The following GDPD4 variants were observed in gnomAD, a reference collection of about 807,000 sequenced individuals.
GDPD4 encodes the protein glycerophosphodiester phosphodiesterase 6.
In GDPD4, 60 loss-of-function variants were observed where a neutral mutation model predicts 67.8. That is an observed-to-expected ratio of 0.88 (90% CI 0.72 to 1.10). GDPD4 has a LOEUF of 1.10. Among genes scored for constraint, GDPD4 ranks in the 50% least tolerant of loss-of-function variants. GDPD4 has a pLI of 0.00. For missense variants in GDPD4, 623 were observed against 613.9 expected, an observed-to-expected ratio of 1.01 and a Z score of -0.16; for synonymous variants, 212 against 210.9, an observed-to-expected ratio of 1.00 and a Z score of -0.04.
At chr11:77,286,628 C>A (rs932325257) in intron 2 of GDPD4, among the ~76,000 whole-genome samples, 8 of 152,224 alleles carry the variant, frequency 5.3e-5, no homozygotes, top group Non-Finnish European at 1.2e-4. Context: ...CTTCTGTTCT[C>A]ATTTCAGTGT....
At chr11:77,291,078 T>C (rs1335913112) in intron 1 of GDPD4, among the ~76,000 whole-genome samples, 4 of 152,232 alleles carry the variant, frequency 2.6e-5, no homozygotes, top group East Asian at 1.9e-4. Context: ...CCTATGTTTA[T>C]TGCAGGACTA....
intron 16 of GDPD4, among the ~76,000 whole-genome samples, chr11:77,221,177 T>TA (rs1160117829): frequency 2.0e-5 from 3 of 152,190 alleles, no homozygotes; most frequent in Non-Finnish European, 4.4e-5. Flanking sequence ...TTTTATCTTT[T>TA]CAAAAAACCA....
chr11:77,273,160 A>G (rs1445836863), intron 5 of GDPD4, among the ~76,000 whole-genome samples: 1 of 152,198 alleles, frequency 6.6e-6, no homozygotes, highest in Non-Finnish European at 1.5e-5. Flanking sequence ...CATGTTTACA[A>G]GGAGTTTGGG....
At chr11:77,254,738 C>A (rs1958972158) in intron 11 of GDPD4, among the ~76,000 whole-genome samples, 1 of 152,154 alleles carries the variant, frequency 6.6e-6, no homozygotes, top group African/African-American at 2.4e-5. Flanking sequence ...CTTCCAGTAT[C>A]AACTCCCAGA....
chr11:77,235,039 A>ATTTTTTTTTTTTTTTTTTTTTTTTTTTT (rs1958533645), intron 13 of GDPD4, among the ~76,000 whole-genome samples: 4 of 20,302 alleles, frequency 2.0e-4, no homozygotes, highest in South Asian at 1.9e-3. Context: ...TTTTTTTTTG[A>ATTTTTTTTTTTTTTTTTTTTTTTTTTTT]CTTTTTAGTA....
intron 12 of GDPD4, 50 bp downstream of exon 12, chr11:77,245,231 A>G: frequency 7.1e-7 from 1 of 1,409,026 alleles, no homozygotes. Context: ...TGCTCCTAGG[A>G]CATGCTACCC....
chr11:77,255,297 T>C (rs1027817192), intron 11 of GDPD4, among the ~76,000 whole-genome samples: 3 of 152,194 alleles, frequency 2.0e-5, no homozygotes, highest in Admixed American at 6.5e-5. Context: ...CCAGGCACAG[T>C]GGCTCACATC....
intron 9 of GDPD4, 73 bp from the exon 10 acceptor site, chr11:77,268,612 A>T: frequency 8.5e-7 from 1 of 1,171,510 alleles, no homozygotes; most frequent in Admixed American, 1.8e-5. Context: ...TGGTAGGGGT[A>T]GAGCCCAGTA....
Position 77,271,033 on chromosome 11 carries a change from G to A in GDPD4, c.400+97C>T, listed in dbSNP as rs995721930. 6 of 790,120 alleles carry A rather than the reference G, an allele frequency of 7.6e-6. No individual in the cohort carries two copies. In the African/African-American group the frequency reaches 1.0e-4, roughly 14 times the overall value. 48.9% of individuals were successfully genotyped at this position (790,120 alleles called of 1,614,324 possible). A position where few individuals can be genotyped will look rare whatever the true frequency, so the allele number is the denominator to read the frequency against. On this transcript the variant is annotated intron_variant, in intron 7 of 16. Coordinates refer to ENST00000315938, the MANE Select transcript of GDPD4 (RefSeq NM_182833.3). ...CTAAATGAATTTCAACGAGGCATAG[G>A]GGTGGCTAGTTCCCAAGCTTCTGTT... is the stretch of plus-strand genomic sequence containing the variant.
intron 5 of GDPD4, among the ~76,000 whole-genome samples, chr11:77,274,926 T>C (rs945291306): frequency 6.6e-6 from 1 of 152,162 alleles, no homozygotes; most frequent in African/African-American, 2.4e-5. Context: ...GAGGGGTTGG[T>C]TAATGAGAAC....
rs183228052 is a variant in GDPD4, at chr11:77,243,660, A to C, written c.1241+34T>G. ...ATGTGTATTTTGTGTAAGTAAGGCA[A>C]TATGTGCCAAGAGAGGTGTGGTCAA... is the stretch of plus-strand genomic sequence containing the variant. On this transcript the variant is annotated intron_variant, in intron 13 of 16. Coordinates refer to ENST00000315938, the MANE Select transcript of GDPD4 (RefSeq NM_182833.3). 11 of 1,575,930 alleles carry C rather than the reference A, an allele frequency of 7.0e-6. No individual in the cohort carries two copies. In the East Asian group the frequency reaches 2.5e-4, roughly 35 times the overall value.
At position 77,285,011 on chromosome 11, in the gene GDPD4, C is replaced by T. The variant is rs1158322099; in HGVS notation, c.53+74G>A. On this transcript the variant is annotated intron_variant, in intron 3 of 16. Transcript: ENST00000315938. The stretch of plus-strand genomic sequence containing the variant: ...CTACTATATCACCGGATCTTTTCAG[C>T]CTGAGGTAGAATCCAGGTGGCTATC... 2.8e-6 allele frequency: 3 copies of T among 1,073,558 alleles called. No individual in the cohort carries two copies. The African/African-American group carries it at 4.7e-5, about 17-fold the overall frequency. 66.5% of individuals were successfully genotyped at this position (1,073,558 alleles called of 1,614,324 possible).
At position 77,271,207 on chromosome 11, in the gene GDPD4, A is replaced by C. The variant is rs146103137; in HGVS notation, c.323T>G (p.Val108Gly). 9.7e-5 allele frequency: 157 copies of C among 1,613,184 alleles called. No homozygotes were observed. The highest frequency in any genetic ancestry group is 9.7e-5 in the Non-Finnish European group (114 of 1,179,744). ...CATCACAGTTATGCTGACCAGGTGC[A>C]CGTAGGGAGCAAAGATCTGTGAGAA... ...GLSMQIFAPY[V>G]HLVSITVMVI... Residue 108 changes from valine (V) to glycine (G), a missense_variant, in exon 7 of 17, where the codon GTG becomes GGG. By Grantham distance (109) the Val-to-Gly change is moderately radical. Coordinates refer to ENST00000315938, the MANE Select transcript of GDPD4 (RefSeq NM_182833.3).
intron 10 of GDPD4, among the ~76,000 whole-genome samples, chr11:77,266,818 C>A (rs1959180427): frequency 6.6e-6 from 1 of 152,146 alleles, no homozygotes; most frequent in Non-Finnish European, 1.5e-5. Flanking sequence ...TTTTGTACAG[C>A]TGTACAATGT....
chr11:77,217,837 A>G (rs1292099304), intron 16 of GDPD4, among the ~76,000 whole-genome samples: 1 of 152,206 alleles, frequency 6.6e-6, no homozygotes, highest in Non-Finnish European at 1.5e-5. Context: ...CAAATTAAAA[A>G]CTGGATGATA....
chr11:77,232,832 A>G (rs1483628908), intron 14 of GDPD4, among the ~76,000 whole-genome samples, 193 bp downstream of exon 14: 1 of 152,250 alleles, frequency 6.6e-6, no homozygotes, highest in Non-Finnish European at 1.5e-5. Flanking sequence ...GTCAATTATT[A>G]TAACAACACT....
intron 13 of GDPD4, among the ~76,000 whole-genome samples, chr11:77,241,037 T>C (rs1958653628): frequency 6.6e-6 from 1 of 152,132 alleles, no homozygotes; most frequent in South Asian, 2.1e-4. Context: ...AAACTAAAAA[T>C]AGAACTAACA....
chr11:77,258,603 G>A (rs1959050980), intron 10 of GDPD4, 61 bp from the exon 11 acceptor site: 1 of 1,517,974 alleles, frequency 6.6e-7, no homozygotes, highest in African/African-American at 1.4e-5. Context: ...TACCTTGGTA[G>A]ACAGGCTCCC....
chr11:77,290,455 C>T (rs1937735233), intron 1 of GDPD4, among the ~76,000 whole-genome samples: 1 of 151,760 alleles, frequency 6.6e-6, no homozygotes, highest in Non-Finnish European at 1.5e-5. Flanking sequence ...AAATCAATAA[C>T]AAGAGAAATT....
Sources: gnomAD v4.1 joint callset for allele counts (sites outside exome capture counted in the v4.1 genomes callset) on GRCh38, gnomAD v4.1.1 for gene constraint, MANE v1.5 for transcripts, NCBI Gene and HGNC (gene_info 2026-07-23, HGNC 2026-07-21) for gene names.